The following NLRP1 variants were observed in gnomAD, a reference collection of about 807,000 sequenced individuals.
NLRP1 encodes the protein NACHT, LRR and PYD domains-containing protein 1.
A neutral mutation model predicts 136.7 loss-of-function variants in NLRP1; 94 were observed. That is an observed-to-expected ratio of 0.69 (90% confidence interval 0.58 to 0.82). NLRP1 has a LOEUF of 0.82. Among genes scored for constraint, NLRP1 ranks in the 40% least tolerant of loss-of-function variants. The pLI, the probability that NLRP1 is intolerant of heterozygous loss-of-function variation, is 0.00. For missense variants in NLRP1, 1,575 were observed against 1,802.7 expected, an observed-to-expected ratio of 0.87 and a Z score of 2.29; for synonymous variants, 690 against 725.1, an observed-to-expected ratio of 0.95 and a Z score of 0.78.
chr17:5,546,239 T>C (rs1315109143), intron 5 of NLRP1, among the ~76,000 whole-genome samples: 1 of 151,652 alleles, frequency 6.6e-6, no homozygotes, highest in Non-Finnish European at 1.5e-5. Flanking sequence ...TTGTACCAGC[T>C]GGCTGCAAGA....
rs757059915 is a variant in NLRP1, at chr17:5,515,480, G to A, written c.4095C>T (p.Ala1365=). 1.1e-5 allele frequency: 18 copies of A among 1,613,236 alleles called. No homozygotes were observed. The highest frequency in any genetic ancestry group is 1.5e-5 in the Non-Finnish European group (18 of 1,179,326). ...LMPATTLIPP[A]RIAVPSPLDA... ...CTGAGAGCTGTTACTGACCTATGCG[G>A]GCTGGAGGGATCAGAGTAGTTGCAG... The change falls in exon 16 of 17, where the codon GCC becomes GCT. Residue 1365 remains alanine, a synonymous_variant. Transcript: ENST00000572272.
chr17:5,511,295 G>A (rs1428317071), downstream of NLRP1, among the ~76,000 whole-genome samples: 1 of 152,082 alleles, frequency 6.6e-6, no homozygotes, highest in African/African-American at 2.4e-5. Flanking sequence ...ATCCGGGTGT[G>A]GTGGTGGGCG....
At position 5,521,568 on chromosome 17, in the gene NLRP1, T is replaced by G. The variant is rs201007063; in HGVS notation, c.3739A>C (p.Thr1247Pro). ...CTTGGGATCAGGTAGAGGTGGAAGGTGACTTCCTCAGGATGGACGCGGTGG... is the reference window on the plus strand; with the variant it reads ...CTTGGGATCAGGTAGAGGTGGAAGGGGACTTCCTCAGGATGGACGCGGTGG... ...LYHRVHPEEV[T>P]FHLYLIPSDC... Residue 1247 changes from threonine (T) to proline (P), a missense_variant, in exon 13 of 17, where the codon ACC (threonine) becomes CCC (proline). Thr to Pro is a conservative substitution (Grantham distance 38, BLOSUM62 -1). Transcript: ENST00000572272. The G allele has an allele frequency of 6.2e-7, 1 of 1,613,926 alleles. No individual in the cohort carries two copies. Among genetic ancestry groups the G allele is most frequent in the Non-Finnish European group, 8.5e-7 (1 of 1,180,000 alleles).
intron 3 of NLRP1, among the ~76,000 whole-genome samples, chr17:5,566,761 T>G (rs1915380223): frequency 6.6e-6 from 1 of 152,152 alleles, no homozygotes; most frequent in Non-Finnish European, 1.5e-5. Context: ...AAGTGGGGTG[T>G]TAAAGTCTCC....
chr17:5,532,718 G>T, intron 11 of NLRP1, 104 bp downstream of exon 11: 1 of 979,916 alleles, frequency 1.0e-6, no homozygotes, highest in Non-Finnish European at 1.5e-6. Context: ...CCAGTGGTGA[G>T]TGTGAGTTGG....
rs540028216 is a variant in NLRP1, at chr17:5,582,606, G to A, written c.448+64C>T. On this transcript the variant is annotated intron_variant, in intron 2 of 16. Transcript: ENST00000572272. ...CCCATGCACAGACATGATCCTCTGG[G>A]TGGGGCCCACCAGCTGATTCACAGC... The A allele has an allele frequency of 3.2e-4, 481 of 1,505,360 alleles. 3 individuals carry two copies. The African/African-American group carries it at 6.0e-3, about 19-fold the overall frequency. The allele number at this position is 1,505,360 out of a possible 1,614,324, so 93.3% of individuals were successfully genotyped here. A position where few individuals can be genotyped will look rare whatever the true frequency, so the allele number is the denominator to read the frequency against.
intron 10 of NLRP1, 42 bp downstream of exon 10, chr17:5,533,262 A>G (rs1193814627): frequency 1.1e-5 from 17 of 1,551,520 alleles, no homozygotes; most frequent in Non-Finnish European, 1.4e-5. Context: ...GAGAGAGAAC[A>G]TGGTTCAAAA....
chr17:5,573,174 C>T lies in NLRP1; in HGVS notation c.652+8685G>A, dbSNP rs145643862. Among the ~76,000 whole-genome samples, 1,120 of 152,282 alleles carry T rather than the reference C, an allele frequency of 7.4e-3. 10 individuals carry two copies. The highest frequency in any genetic ancestry group is 0.02 in the Middle Eastern group (6 of 294). ...AACGGCACACCAGGAGATTATATCC[C>T]GTGCCTGGCTCAGAGGGTCCTGTAC... On this transcript the variant is annotated intron_variant, in intron 3 of 16. Transcript: ENST00000572272.
intron 3 of NLRP1, among the ~76,000 whole-genome samples, chr17:5,562,452 C>T (rs1914866751): frequency 6.6e-6 from 1 of 152,184 alleles, no homozygotes; most frequent in African/African-American, 2.4e-5. Flanking sequence ...TGAAGGAACC[C>T]CGTTTACCAG....
At chr17:5,570,126 A>G (rs572281469) in intron 3 of NLRP1, among the ~76,000 whole-genome samples, 1 of 152,264 alleles carries the variant, frequency 6.6e-6, no homozygotes, top group African/African-American at 2.4e-5. Flanking sequence ...TGGAAAGTTT[A>G]TAGCAGTAAA....
chr17:5,521,084 G>A, intron 13 of NLRP1, 72 bp from the exon 14 acceptor site: 1 of 1,430,974 alleles, frequency 7.0e-7, no homozygotes, highest in South Asian at 1.4e-5. Flanking sequence ...AGGGGGGATG[G>A]TGCATCTGTG....
intron 3 of NLRP1, among the ~76,000 whole-genome samples, chr17:5,577,341 C>A (rs1641438114): frequency 6.6e-6 from 1 of 152,204 alleles, no homozygotes; most frequent in African/African-American, 2.4e-5. Flanking sequence ...TTGCAGATGA[C>A]ATGACTGAAT....
chr17:5,501,823 C>A (rs1567622440), exon 16 of NLRP1: 1 of 1,613,914 alleles, frequency 6.2e-7, no homozygotes. Context: ...ACTAGTATCT[C>A]CTGGCGTCTC....
At chr17:5,531,609 G>T (rs1185285686) in intron 11 of NLRP1, among the ~76,000 whole-genome samples, 1 of 152,190 alleles carries the variant, frequency 6.6e-6, no homozygotes, top group East Asian at 1.9e-4. Context: ...CCTCAGGTGG[G>T]TTAATAGTGG....
intron 3 of NLRP1, among the ~76,000 whole-genome samples, chr17:5,580,287 A>C (rs1457362976): frequency 6.6e-6 from 1 of 151,910 alleles, no homozygotes; most frequent in Non-Finnish European, 1.5e-5. Context: ...CAAAAACAAA[A>C]ACAAACAAAA....
intron 5 of NLRP1, among the ~76,000 whole-genome samples, chr17:5,543,858 A>C (rs572356846): frequency 6.6e-6 from 1 of 152,208 alleles, no homozygotes; most frequent in East Asian, 1.9e-4. Flanking sequence ...GCTGTCACTT[A>C]CTGAGAAAGC....
At chr17:5,525,680 A>C (rs1909443468) in intron 12 of NLRP1, among the ~76,000 whole-genome samples, 1 of 151,988 alleles carries the variant, frequency 6.6e-6, no homozygotes, top group Non-Finnish European at 1.5e-5. Flanking sequence ...CCTGGCTTTG[A>C]CTCCCAGCAA....
intron 3 of NLRP1, among the ~76,000 whole-genome samples, chr17:5,570,707 T>C (rs766513149): frequency 1.6e-4 from 25 of 152,172 alleles, no homozygotes; most frequent in Admixed American, 3.3e-4. Flanking sequence ...TTCCAAAAAA[T>C]TGAGGAGGAG....
chr17:5,543,383 C>T (rs1013498677), intron 5 of NLRP1, among the ~76,000 whole-genome samples: 31 of 151,944 alleles, frequency 2.0e-4, no homozygotes, highest in African/African-American at 5.8e-4. Context: ...TCACAGCACG[C>T]GGTTAGTATA....
Sources: allele counts gnomAD v4.1 joint callset (sites outside exome capture counted in the v4.1 genomes callset), GRCh38; gene constraint gnomAD v4.1.1; transcripts MANE v1.5; gene names NCBI Gene and HGNC (gene_info 2026-07-23, HGNC 2026-07-21).